The following NETO2 variants were observed in gnomAD, a reference collection of about 807,000 sequenced individuals.
NETO2 encodes the protein neuropilin and tolloid-like protein 2.
Under a neutral mutation model 62.5 loss-of-function variants are expected in NETO2, and 28 were observed. That is an observed-to-expected ratio of 0.45 (90% confidence interval 0.33 to 0.61). NETO2 has a LOEUF of 0.61. NETO2 is among the 20% of genes least tolerant of loss of function. The probability of loss-of-function intolerance (pLI) is 0.02; values close to 1 mark genes in which losing one functional copy is unlikely to be tolerated. For synonymous variants in NETO2, 214 were observed against 219.1 expected, an observed-to-expected ratio of 0.98 and a Z score of 0.21; for missense variants, 548 against 643.2, an observed-to-expected ratio of 0.85 and a Z score of 1.60.
intron 6 of NETO2, among the ~76,000 whole-genome samples, chr16:47,115,714 C>CGT (rs1963900485): frequency 9.3e-5 from 12 of 128,472 alleles, no homozygotes; most frequent in African/African-American, 3.9e-4. Flanking sequence ...TATATATATA[C>CGT]ATATATATAT....
chr16:47,143,458 G>T (rs1350822401), intron 1 of NETO2, 121 bp downstream of exon 1: 14 of 1,138,142 alleles, frequency 1.2e-5, no homozygotes, highest in Middle Eastern at 3.4e-4. Flanking sequence ...CGCGAGCCCC[G>T]CCAGACAAAG....
intron 7 of NETO2, among the ~76,000 whole-genome samples, chr16:47,094,416 CTTAT>C (rs962011848): frequency 2.2e-4 from 33 of 149,514 alleles, no homozygotes; most frequent in South Asian, 6.3e-4. Context: ...TATTTATTTA[CTTAT>C]TTATTTATTT....
intron 7 of NETO2, among the ~76,000 whole-genome samples, chr16:47,093,620 G>C (rs1963360910): frequency 2.6e-5 from 4 of 152,140 alleles, no homozygotes. Flanking sequence ...TAGGAAGGCT[G>C]GTTGACCAAA....
At chr16:47,112,214 G>A (rs1963815873) in intron 6 of NETO2, among the ~76,000 whole-genome samples, 1 of 152,008 alleles carries the variant, frequency 6.6e-6, no homozygotes. Flanking sequence ...CACCGTGACT[G>A]GCTTCTTTTT....
At chr16:47,137,451 G>A (rs1312715428) in intron 1 of NETO2, among the ~76,000 whole-genome samples, 1 of 152,208 alleles carries the variant, frequency 6.6e-6, no homozygotes, top group African/African-American at 2.4e-5. Flanking sequence ...TCCTTTGGTA[G>A]TGGCAGGAGA....
At chr16:47,127,739 T>C (rs1596741751) in intron 4 of NETO2, among the ~76,000 whole-genome samples, 1 of 152,220 alleles carries the variant, frequency 6.6e-6, no homozygotes, top group South Asian at 2.1e-4. Context: ...TAATTAGTTA[T>C]GGCAGCATCA....
intron 6 of NETO2, among the ~76,000 whole-genome samples, chr16:47,110,281 AC>A (rs1963767027): frequency 6.6e-6 from 1 of 152,138 alleles, no homozygotes; most frequent in Non-Finnish European, 1.5e-5. Context: ...TCTTAACAAT[AC>A]CTGCATTTTC....
In NETO2 at chr16:47,128,479, A is replaced by G. The variant is rs776610576; in HGVS notation, c.327T>C (p.Asp109=). Reference sequence around the variant, plus strand: ...TAAGAGGAGAGAAACCAAATGGCCCATCTCGAACTTCCAAGTGATCAAACC... The same window carrying G: ...TAAGAGGAGAGAAACCAAATGGCCCGTCTCGAACTTCCAAGTGATCAAACC... The part of the protein sequence containing the change: ...ECRFDHLEVR[D]GPFGFSPLID... The change falls in exon 4 of 9, where the codon GAT becomes GAC. Residue 109 remains aspartate, a synonymous_variant. Transcript: ENST00000562435. The G allele has an allele frequency of 1.9e-6, 3 of 1,613,978 alleles. No individual in the cohort carries two copies. The highest frequency in any genetic ancestry group is 2.5e-6 in the Non-Finnish European group (3 of 1,180,004).
intron 6 of NETO2, among the ~76,000 whole-genome samples, chr16:47,116,141 TG>T (rs1262048526): frequency 4.3e-4 from 63 of 145,928 alleles, no homozygotes; most frequent in African/African-American, 1.4e-3. Context: ...TAGGGTTTTC[TG>T]TTTTTTTTTT....
intron 1 of NETO2, among the ~76,000 whole-genome samples, chr16:47,143,113 T>C (rs1964497780): frequency 6.6e-6 from 1 of 152,050 alleles, no homozygotes; most frequent in South Asian, 2.1e-4. Context: ...CGCGGGGCTA[T>C]TCGAAAACCA....
chr16:47,111,396 T>C lies in NETO2; in HGVS notation c.655-1685A>G, dbSNP rs144524346. On this transcript the variant is annotated intron_variant, in intron 6 of 8. Coordinates refer to ENST00000562435, the MANE Select transcript of NETO2 (RefSeq NM_018092.5). ...TTTTAAAAAAACATCGAGTTAAAGA[T>C]AAATAATAACAAGATCACAGCACTT... 9.8e-5 allele frequency among the ~76,000 whole-genome samples: 15 copies of C among 152,310 alleles called. No individual in the cohort carries two copies. The East Asian group carries it at 2.7e-3, about 27-fold the overall frequency.
At chr16:47,139,354 A>G (rs1964421107) in intron 1 of NETO2, among the ~76,000 whole-genome samples, 1 of 152,090 alleles carries the variant, frequency 6.6e-6, no homozygotes, top group Non-Finnish European at 1.5e-5. Context: ...AAGAACTGAG[A>G]TTCCCCCCCA....
Position 47,128,541 on chromosome 16 carries a change from C to G in NETO2, c.265G>C (p.Asp89His), listed in dbSNP as rs942639123. ...GATGGTTCTATATAATAATGTTCAT[C>G]AAAGGTCAACTCTATTCTTTGACGT... is the stretch of plus-strand genomic sequence containing the variant. ...APRQRIELTF[D>H]EHYYIEPSFE... Residue 89 changes from aspartate (D) to histidine (H), a missense_variant, in exon 4 of 9, where the codon GAT (aspartate) becomes CAT (histidine). Transcript: ENST00000562435. 7 of 1,613,222 alleles carry G rather than the reference C, an allele frequency of 4.3e-6. No homozygotes were observed. Among genetic ancestry groups the G allele is most frequent in the African/African-American group, 1.3e-5 (1 of 74,902 alleles).
chr16:47,092,733 C>T (rs1445511343), intron 7 of NETO2, among the ~76,000 whole-genome samples: 1 of 152,224 alleles, frequency 6.6e-6, no homozygotes, highest in Admixed American at 6.5e-5. Flanking sequence ...GTTTTAGAAA[C>T]ATGCTCAGGT....
chr16:47,088,853 C>A (rs1963253069), intron 7 of NETO2, among the ~76,000 whole-genome samples: 1 of 152,150 alleles, frequency 6.6e-6, no homozygotes, highest in African/African-American at 2.4e-5. Context: ...TCTCAATGGG[C>A]TGTGAACATG....
At chr16:47,141,803 C>T (rs111978823) in intron 1 of NETO2, among the ~76,000 whole-genome samples, 58 of 152,348 alleles carry the variant, frequency 3.8e-4, no homozygotes, top group African/African-American at 1.3e-3. Context: ...GTAGCTCTGC[C>T]ATCACCAGAA....
At chr16:47,124,098 A>C (rs562919148) in intron 4 of NETO2, among the ~76,000 whole-genome samples, 3 of 152,332 alleles carry the variant, frequency 2.0e-5, no homozygotes, top group South Asian at 4.1e-4. Context: ...GAAGTTATCA[A>C]ATTACATATT....
intron 6 of NETO2, among the ~76,000 whole-genome samples, chr16:47,111,901 T>C (rs574218259): frequency 2.1e-4 from 32 of 152,130 alleles, no homozygotes; most frequent in Non-Finnish European, 3.8e-4. Context: ...TATTTCTCAA[T>C]TGGTTCAGCA....
At chr16:47,128,600 G>C in intron 3 of NETO2, 27 bp from the exon 4 acceptor site, 1 of 1,598,686 alleles carries the variant, frequency 6.3e-7, no homozygotes, top group Non-Finnish European at 8.5e-7. Flanking sequence ...AGCAAATCAG[G>C]ACAACACAAA....
Sources: gnomAD v4.1 joint callset for allele counts (sites outside exome capture counted in the v4.1 genomes callset) on GRCh38, gnomAD v4.1.1 for gene constraint, MANE v1.5 for transcripts, NCBI Gene and HGNC (gene_info 2026-07-23, HGNC 2026-07-21) for gene names.